Variants in PTPN1 observed in about 807,000 individuals in gnomAD.
PTPN1 encodes the protein tyrosine-protein phosphatase non-receptor type 1.
A neutral mutation model predicts 59.9 loss-of-function variants in PTPN1; 12 were observed. That is an observed-to-expected ratio of 0.20 (90% CI 0.13 to 0.32). The LOEUF is 0.32. Among genes scored for constraint, PTPN1 ranks in the 10% least tolerant of loss-of-function variants. The pLI is 1.00. For missense variants in PTPN1, 356 were observed against 549.2 expected (o/e 0.65, Z 3.52); for synonymous variants, 178 against 203.6 (o/e 0.87, Z 1.07).
At chr20:50,579,115 G>A (rs1045669777) in intron 6 of PTPN1, 53 bp from the exon 7 acceptor site, 20 of 1,572,016 alleles carry the variant, frequency 1.3e-5, no homozygotes, top group Middle Eastern at 1.7e-4. Context: ...TGTTATTAAC[G>A]TTGCCCTTGA....
chr20:50,577,070 T>C (rs1227135628), intron 5 of PTPN1, among the ~76,000 whole-genome samples: 2 of 152,140 alleles, frequency 1.3e-5, no homozygotes, highest in African/African-American at 4.8e-5. Context: ...CACAAATTTC[T>C]CCTTGTTCTG....
At position 50,560,286 on chromosome 20, in the gene PTPN1, A is replaced by G. The variant is rs79844441; in HGVS notation, c.64-1077A>G. On this transcript the variant is annotated intron_variant, in intron 1 of 9. Coordinates refer to ENST00000371621, the MANE Select transcript of PTPN1 (RefSeq NM_002827.4). ...GCAGTTCATAGACCTTCTGGTTTAC[A>G]TTTTTCCAGAAAGTATGTCTTTAGA... Among the ~76,000 whole-genome samples the G allele has an allele frequency of 4.5e-3, 682 of 151,980 alleles. 7 individuals are homozygous for G. Among genetic ancestry groups the G allele is most frequent in the African/African-American group, 0.016 (648 of 41,430 alleles).
intron 1 of PTPN1, among the ~76,000 whole-genome samples, chr20:50,530,620 G>GTGCTGGGATTACAAC (rs1419936864): frequency 1.3e-5 from 2 of 151,960 alleles, no homozygotes; most frequent in Non-Finnish European, 2.9e-5. Flanking sequence ...GCCTCCCAAA[G>GTGCTGGGATTACAAC]TGCTGGGATT....
rs767616695 is a variant in PTPN1 at position 50,582,606 on chromosome 20, C to T, written c.1285-86C>T. ...TTGCTCCCTCGGAGGTTGAAGTTGC[C>T]GGGGGGTGTGGCCGGGGTCATGCAT... On this transcript the variant is annotated intron_variant, in intron 9 of 9. Transcript: ENST00000371621. This position sits in a 1 kb window ranked among gnomAD's most constrained non-coding sequence, Gnocchi z 4.2. The T allele has an allele frequency of 4.1e-5, 59 of 1,443,676 alleles. No individual in the cohort carries two copies. Among genetic ancestry groups the T allele is most frequent in the South Asian group, 1.7e-4 (14 of 83,040 alleles). 89.4% of individuals were successfully genotyped at this position (1,443,676 alleles called of 1,614,324 possible). A position where few individuals can be genotyped will look rare whatever the true frequency, so the allele number is the denominator to read the frequency against.
At chr20:50,556,962 A>G (rs1255235880) in intron 1 of PTPN1, among the ~76,000 whole-genome samples, 3 of 152,168 alleles carry the variant, frequency 2.0e-5, no homozygotes, top group African/African-American at 7.2e-5. Context: ...ATATAATACA[A>G]CCCACATACA....
At chr20:50,581,572 A>C (rs2082869046) in intron 9 of PTPN1, 112 bp downstream of exon 9, 1 of 1,230,812 alleles carries the variant, frequency 8.1e-7, no homozygotes, top group African/African-American at 1.5e-5. Context: ...GTCTCAGAAG[A>C]AACAGATCAA....
chr20:50,517,514 C>T (rs1414406435), intron 1 of PTPN1, among the ~76,000 whole-genome samples: 1 of 152,220 alleles, frequency 6.6e-6, no homozygotes, highest in Admixed American at 6.5e-5. Flanking sequence ...CTGCCTCAGG[C>T]TCCCAAAGTG....
At chr20:50,522,937 T>G (rs1239589006) in intron 1 of PTPN1, among the ~76,000 whole-genome samples, 1 of 135,020 alleles carries the variant, frequency 7.4e-6, no homozygotes, top group Non-Finnish European at 1.6e-5. Context: ...TTTTTTTTTT[T>G]GTATTTTTAG....
chr20:50,544,958 A>C (rs2082668500), intron 1 of PTPN1, among the ~76,000 whole-genome samples: 2 of 152,164 alleles, frequency 1.3e-5, no homozygotes, highest in Admixed American at 1.3e-4. Context: ...GTGAGCATAA[A>C]TTGCACCACT....
At chr20:50,565,588 T>C (rs985474280) in intron 3 of PTPN1, among the ~76,000 whole-genome samples, 1 of 152,232 alleles carries the variant, frequency 6.6e-6, no homozygotes, top group African/African-American at 2.4e-5. Context: ...GGCATCTTTA[T>C]GGAAACAAAA....
At chr20:50,532,594 A>AT (rs2082606188) in intron 1 of PTPN1, among the ~76,000 whole-genome samples, 1 of 152,226 alleles carries the variant, frequency 6.6e-6, no homozygotes. Flanking sequence ...TACCTGCAGT[A>AT]TTCCAATTAA....
intron 1 of PTPN1, among the ~76,000 whole-genome samples, chr20:50,550,180 C>T (rs951513658): frequency 1.3e-5 from 2 of 152,184 alleles, no homozygotes; most frequent in African/African-American, 4.8e-5. Flanking sequence ...TATATTTCTG[C>T]ATTTCCCTTC....
chr20:50,513,758 G>C (rs1421257794), intron 1 of PTPN1, among the ~76,000 whole-genome samples: 1 of 152,074 alleles, frequency 6.6e-6, no homozygotes, highest in Non-Finnish European at 1.5e-5. Flanking sequence ...CTGATATACA[G>C]CTTATGTTGT....
At chr20:50,557,596 A>T (rs1265731464) in intron 1 of PTPN1, 2 of 152,124 alleles carry the variant, frequency 1.3e-5, no homozygotes, top group Non-Finnish European at 2.9e-5. Flanking sequence ...ATAGTATTGT[A>T]CTGTACTGTA....
At chr20:50,522,094 A>C (rs1331087792) in intron 1 of PTPN1, among the ~76,000 whole-genome samples, 1 of 152,170 alleles carries the variant, frequency 6.6e-6, no homozygotes, top group Non-Finnish European at 1.5e-5. Flanking sequence ...GGCCTGAGGG[A>C]GTGCCCTTGA....
intron 1 of PTPN1, among the ~76,000 whole-genome samples, chr20:50,545,767 G>A (rs761088669): frequency 8.5e-5 from 13 of 152,192 alleles, no homozygotes; most frequent in Non-Finnish European, 1.8e-4. Context: ...TGTAATCCCA[G>A]CACTTTGGGA....
At chr20:50,579,414 A>G (rs1157849518) in intron 7 of PTPN1, 85 bp downstream of exon 7, 1 of 1,449,190 alleles carries the variant, frequency 6.9e-7, no homozygotes, top group African/African-American at 1.4e-5. Flanking sequence ...AAAAGTTCAA[A>G]CACCGTCTGG....
At chr20:50,542,353 G>A (rs2082656890) in intron 1 of PTPN1, among the ~76,000 whole-genome samples, 1 of 152,218 alleles carries the variant, frequency 6.6e-6, no homozygotes, top group Non-Finnish European at 1.5e-5. Flanking sequence ...TTTTAGCACA[G>A]TAGGAAAGAC....
chr20:50,517,801 C>A (rs974714792), intron 1 of PTPN1, among the ~76,000 whole-genome samples: 1 of 152,158 alleles, frequency 6.6e-6, no homozygotes, highest in Non-Finnish European at 1.5e-5. Context: ...AATTCTAAAT[C>A]CTTCTTGAGG....
Sources: allele counts gnomAD v4.1 joint callset (sites outside exome capture counted in the v4.1 genomes callset), GRCh38; gene constraint gnomAD v4.1.1; non-coding constraint Gnocchi (gnomAD v3.1); transcripts MANE v1.5; gene names NCBI Gene and HGNC (gene_info 2026-07-23, HGNC 2026-07-21).